Variants in CCT6B observed in about 807,000 individuals in gnomAD.
The protein encoded by CCT6B is probable T-complex protein 1 subunit zeta-2.
CCT6B carries 49 observed loss-of-function variants against 61.5 expected under a neutral mutation model. The observed-to-expected ratio is 0.80, with a 90% CI of 0.63 to 1.01. The LOEUF (loss-of-function observed/expected upper bound fraction) is 1.01, where lower values mean the gene tolerates loss of function less well. Among genes scored for constraint, CCT6B ranks in the 50% least tolerant of loss-of-function variants. The pLI, the probability that CCT6B is intolerant of heterozygous loss-of-function variation, is 0.00. For missense variants in CCT6B, 666 were observed against 634.7 expected (o/e 1.05, Z -0.53); for synonymous variants, 228 against 214.5 (o/e 1.06, Z -0.55).
Position 34,958,645 on chromosome 17 carries a change from T to C in CCT6B, c.251A>G (p.Gln84Arg). ...ASLIAKVATA[Q>R]DDVTGDGTTS... ...AGTACCATCTCCTGTGACGTCATCC[T>C]GAGCTGTTGCTACTTTTGCTATCAA... Residue 84 changes from glutamine to arginine, a missense_variant, in exon 3 of 14, where the codon CAG (glutamine) becomes CGG (arginine). Transcript: ENST00000314144. The C allele has an allele frequency of 6.2e-7, 1 of 1,603,200 alleles. No individual in the cohort carries two copies. The highest frequency in any genetic ancestry group is 8.5e-7 in the Non-Finnish European group (1 of 1,175,068).
At chr17:34,932,549 AAG>A (rs751375996) in intron 10 of CCT6B, 49 bp from the exon 11 acceptor site, 399 of 1,526,460 alleles carry the variant, frequency 2.6e-4, no homozygotes, top group South Asian at 4.7e-4. Flanking sequence ...TAAAGACCAA[AAG>A]AGAGAGAGAG....
chr17:34,954,613 A>G lies in CCT6B; in HGVS notation c.337-14T>C. The G allele has an allele frequency of 6.4e-7, 1 of 1,572,642 alleles. No individual in the cohort carries two copies. The highest frequency in any genetic ancestry group is 1.4e-5 in the African/African-American group (1 of 72,570). On this transcript the variant is annotated splice_polypyrimidine_tract_variant and intron_variant, in intron 3 of 13. Transcript: ENST00000314144. Reference sequence around the variant, plus strand: ...AGGGTGCAGGCCCTGTTACATCAACATAAAATTATAAATTATAAAATAAGT... The same window carrying G: ...AGGGTGCAGGCCCTGTTACATCAACGTAAAATTATAAATTATAAAATAAGT...
At chr17:34,928,445 G>T (rs2089994418) in intron 13 of CCT6B, among the ~76,000 whole-genome samples, 1 of 151,768 alleles carries the variant, frequency 6.6e-6, no homozygotes, top group South Asian at 2.1e-4. Context: ...GCTAATTTTT[G>T]TATTTTTAGT....
chr17:34,940,445 AC>A (rs557186621), intron 8 of CCT6B, 93 bp downstream of exon 8: 137 of 694,188 alleles, frequency 2.0e-4, no homozygotes, highest in African/African-American at 1.7e-3. Context: ...GTTTTGTTCA[AC>A]AACATTTACA....
At chr17:34,953,267 C>T (rs2090311808) in intron 4 of CCT6B, among the ~76,000 whole-genome samples, 1 of 150,354 alleles carries the variant, frequency 6.7e-6, no homozygotes, top group Admixed American at 6.7e-5. Flanking sequence ...AAATCATTGC[C>T]ACCTGATAAA....
intron 10 of CCT6B, among the ~76,000 whole-genome samples, chr17:34,938,772 A>C (rs2090124532): frequency 1.3e-5 from 2 of 152,070 alleles, no homozygotes; most frequent in African/African-American, 4.8e-5. Flanking sequence ...ATAGATTAAT[A>C]ATAAAAATAA....
In CCT6B at chr17:34,958,095, C is replaced by G. The variant is rs7224247; in HGVS notation, c.336+465G>C. Among the ~76,000 whole-genome samples, 1,198 of 152,090 alleles carry G rather than the reference C, an allele frequency of 7.9e-3. 9 individuals are homozygous for G. The highest frequency in any genetic ancestry group is 0.028 in the African/African-American group (1,159 of 41,466). ...TTCCAACGAAAGGCATTATTTTGGCCAACAAAGTTCATTATTATTTCCATT... is the reference window on the plus strand; with the variant it reads ...TTCCAACGAAAGGCATTATTTTGGCGAACAAAGTTCATTATTATTTCCATT... On this transcript the variant is annotated intron_variant, in intron 3 of 13. Coordinates refer to ENST00000314144, the MANE Select transcript of CCT6B (RefSeq NM_006584.4).
chr17:34,951,248 T>C (rs1230970323), intron 5 of CCT6B, among the ~76,000 whole-genome samples: 2 of 152,208 alleles, frequency 1.3e-5, no homozygotes, highest in Non-Finnish European at 2.9e-5. Context: ...GGTGTTATAA[T>C]GTTTTGTGGA....
chr17:34,930,968 C>T lies in CCT6B; in HGVS notation c.1431G>A (p.Val477=). 3.1e-6 allele frequency: 5 copies of T among 1,598,104 alleles called. No individual in the cohort carries two copies. Among genetic ancestry groups the T allele is most frequent in the Non-Finnish European group, 4.3e-6 (5 of 1,167,692 alleles). ...TCTTACCTGTATTCAAATCTACGCC[C>T]ACAAGTTGTTTTGACTCGACATGCT... The part of the protein sequence containing the change: ...QAEHVESKQL[V]GVDLNTGEPM... The change falls in exon 12 of 14, where the codon GTG becomes GTA. Residue 477 remains valine (V), a synonymous_variant. Transcript: ENST00000314144.
intron 5 of CCT6B, chr17:34,943,260 A>C (rs905587094): frequency 6.2e-6 from 1 of 160,892 alleles, no homozygotes; most frequent in Non-Finnish European, 1.3e-5. Context: ...GTGACTATGA[A>C]GTCACAATAA....
intron 5 of CCT6B, among the ~76,000 whole-genome samples, chr17:34,948,223 C>T (rs141737527): frequency 3.4e-4 from 51 of 152,074 alleles, no homozygotes; most frequent in African/African-American, 1.2e-3. Context: ...CCGGGGTCCC[C>T]AAAGTCCACT....
intron 7 of CCT6B, 66 bp from the exon 8 acceptor site, chr17:34,940,687 C>A: frequency 1.3e-6 from 1 of 765,550 alleles, no homozygotes; most frequent in South Asian, 1.9e-5. Context: ...ACCTTTTGGT[C>A]TCAGCACCAC....
intron 3 of CCT6B, among the ~76,000 whole-genome samples, chr17:34,957,312 T>C (rs1375868554): frequency 6.6e-6 from 1 of 151,816 alleles, no homozygotes; most frequent in African/African-American, 2.4e-5. Context: ...GCCTGGCTAA[T>C]TTTGTATTTT....
intron 7 of CCT6B, among the ~76,000 whole-genome samples, chr17:34,942,235 G>A (rs2090171926): frequency 6.6e-6 from 1 of 151,122 alleles, no homozygotes; most frequent in African/African-American, 2.4e-5. Context: ...AGAATGCGAT[G>A]ACTACTAGTA....
intron 1 of CCT6B, 41 bp from the exon 2 acceptor site, chr17:34,959,691 G>A: frequency 7.2e-7 from 1 of 1,393,910 alleles, no homozygotes; most frequent in Non-Finnish European, 1.0e-6. Context: ...GTGGTAGGAA[G>A]ACATTCCCAG....
chr17:34,932,335 C>T, intron 11 of CCT6B, 32 bp downstream of exon 11: 1 of 1,577,804 alleles, frequency 6.3e-7, no homozygotes, highest in Non-Finnish European at 8.6e-7. Flanking sequence ...TATGTCTAAG[C>T]AGTTGTTATT....
rs1330893944 is a variant in CCT6B, at chr17:34,958,560, C to G, written c.336G>C (p.Glu112Asp). ...LLKQADLYISEGLHPRIIAEG... is the reference protein window; with the variant it reads ...LLKQADLYISDGLHPRIIAEG... ...CATATAAACTGTGAAATTCTAATAC[C>G]TCAGAAATGTACAGGTCAGCTTGTT... Residue 112 changes from glutamate to aspartate, a missense_variant and splice_region_variant, in exon 3 of 14, where the codon GAG becomes GAC. Coordinates refer to ENST00000314144, the MANE Select transcript of CCT6B (RefSeq NM_006584.4). 6.6e-7 allele frequency: 1 copy of G among 1,509,416 alleles called. No individual in the cohort carries two copies. The highest frequency in any genetic ancestry group is 1.4e-5 in the South Asian group (1 of 70,550). The allele number at this position is 1,509,416 out of a possible 1,614,324, so 93.5% of individuals were successfully genotyped here. A position where few individuals can be genotyped will look rare whatever the true frequency, so the allele number is the denominator to read the frequency against.
chr17:34,942,512 T>C lies in CCT6B; in HGVS notation c.857A>G (p.Asn286Ser), dbSNP rs754414145. 1.3e-6 allele frequency: 2 copies of C among 1,593,236 alleles called. No homozygotes were observed. Among genetic ancestry groups the C allele is most frequent in the South Asian group, 1.2e-5 (1 of 86,056 alleles). ...DLKDKVCAQSNKGFVVINQKG... is the reference protein window; with the variant it reads ...DLKDKVCAQSSKGFVVINQKG... ...TTGATTAATGACGACAAATCCTTTA[T>C]TTGACTGAGCACAGACTTTGTCCTT... is the stretch of plus-strand genomic sequence containing the variant. Residue 286 changes from asparagine (N) to serine (S), a missense_variant, in exon 7 of 14, where the codon AAT (asparagine) becomes AGT (serine). Physicochemically the swap from Asn to Ser is conservative, Grantham distance 46. Transcript: ENST00000314144.
chr17:34,937,618 T>C (rs1001829248), intron 10 of CCT6B, among the ~76,000 whole-genome samples: 3 of 152,176 alleles, frequency 2.0e-5, no homozygotes, highest in Non-Finnish European at 4.4e-5. Context: ...GTAACACTTT[T>C]AGAGGAAAAT....
Sources: gnomAD v4.1 joint callset for allele counts (sites outside exome capture counted in the v4.1 genomes callset) on GRCh38, gnomAD v4.1.1 for gene constraint, MANE v1.5 for transcripts, NCBI Gene and HGNC (gene_info 2026-07-23, HGNC 2026-07-21) for gene names.